Variants in SLC24A3 observed in about 807,000 individuals in gnomAD.
SLC24A3 encodes solute carrier family 24 member 3, also known as sodium/potassium/calcium exchanger 3.
A neutral mutation model predicts 75.8 loss-of-function variants in SLC24A3; 28 were observed. The ratio of observed to expected loss-of-function variants is 0.37; its 90% CI spans 0.27 to 0.51. SLC24A3 has a LOEUF of 0.51. Among genes scored for constraint, SLC24A3 ranks in the 20% least tolerant of loss-of-function variants. SLC24A3 has a pLI of 0.94. For synonymous variants in SLC24A3, 372 were observed against 334.1 expected (o/e 1.11, Z -1.24); for missense variants, 663 against 847.8 (o/e 0.78, Z 2.71).
chr20:19,392,948 T>C (rs1048088974), intron 2 of SLC24A3, among the ~76,000 whole-genome samples: 1 of 152,122 alleles, frequency 6.6e-6, no homozygotes, highest in Non-Finnish European at 1.5e-5. Context: ...TCTTATCTTG[T>C]CCATCTTTAT....
At chr20:19,675,958 T>C (rs2032517871) in intron 9 of SLC24A3, among the ~76,000 whole-genome samples, 1 of 152,244 alleles carries the variant, frequency 6.6e-6, no homozygotes, top group South Asian at 2.1e-4. Flanking sequence ...TTTTTTAACA[T>C]TTTGAGGCTC....
Position 19,631,791 on chromosome 20 carries a change from A to AGTGTGTGTGTGTGTGTGT in SLC24A3, c.613-22256_613-22239dup, listed in dbSNP as rs148278633. Among the ~76,000 whole-genome samples, 900 of 147,878 alleles carry AGTGTGTGTGTGTGTGTGT rather than the reference A, an allele frequency of 6.1e-3. 7 individuals carry two copies. Among genetic ancestry groups the AGTGTGTGTGTGTGTGTGT allele is most frequent in the African/African-American group, 0.021 (821 of 39,680 alleles). On this transcript the variant is annotated intron_variant, in intron 6 of 16. Coordinates refer to ENST00000328041, the MANE Select transcript of SLC24A3 (RefSeq NM_020689.4). ...CTCTGTATCTGTGTGTATGAGTGAG[A>AGTGTGTGTGTGTGTGTGT]GTGTGTGTGTGTGTGTGTGTGTGTG...
At chr20:19,353,466 G>C (rs1985616818) in intron 2 of SLC24A3, among the ~76,000 whole-genome samples, 1 of 152,190 alleles carries the variant, frequency 6.6e-6, no homozygotes, top group Admixed American at 6.5e-5. Context: ...TATGTCATCA[G>C]ATTACATCCT....
At chr20:19,441,729 T>A (rs1170774555) in intron 2 of SLC24A3, among the ~76,000 whole-genome samples, 1 of 152,144 alleles carries the variant, frequency 6.6e-6, no homozygotes, top group Non-Finnish European at 1.5e-5. Context: ...TGGTGTATAG[T>A]TCTGTGGGGT....
At chr20:19,395,987 T>A (rs1335300540) in intron 2 of SLC24A3, among the ~76,000 whole-genome samples, 1 of 152,156 alleles carries the variant, frequency 6.6e-6, no homozygotes, top group African/African-American at 2.4e-5. Flanking sequence ...GTTTGATTGA[T>A]TTTAATAACA....
intron 6 of SLC24A3, among the ~76,000 whole-genome samples, chr20:19,648,450 C>T (rs1046833062): frequency 1.3e-5 from 2 of 150,458 alleles, no homozygotes; most frequent in African/African-American, 4.9e-5. Context: ...TTTGCTTCAA[C>T]AGTTTTTTTT....
chr20:19,615,628 T>G (rs2031726698), intron 6 of SLC24A3, among the ~76,000 whole-genome samples: 1 of 152,190 alleles, frequency 6.6e-6, no homozygotes, highest in Non-Finnish European at 1.5e-5. Context: ...AAACCATTCA[T>G]GAGAAATCCA....
At chr20:19,564,358 A>G (rs2030922803) in intron 3 of SLC24A3, among the ~76,000 whole-genome samples, 2 of 152,226 alleles carry the variant, frequency 1.3e-5, no homozygotes, top group African/African-American at 4.8e-5. Flanking sequence ...TTGAAGTCCC[A>G]TCATCAATGC....
chr20:19,562,262 A>T (rs2030885842), intron 3 of SLC24A3, among the ~76,000 whole-genome samples: 1 of 152,074 alleles, frequency 6.6e-6, no homozygotes, highest in African/African-American at 2.4e-5. Flanking sequence ...AACAATGAGA[A>T]TATCTCACAT....
chr20:19,399,278 T>G (rs76216980), intron 2 of SLC24A3, among the ~76,000 whole-genome samples: 4,758 of 152,226 alleles, frequency 0.031, 110 homozygotes, highest in Non-Finnish European at 0.045. Context: ...CTTTATTATT[T>G]TCTATCTTCT....
chr20:19,474,358 C>T (rs1046416329), intron 2 of SLC24A3, among the ~76,000 whole-genome samples: 2 of 152,108 alleles, frequency 1.3e-5, no homozygotes, highest in Non-Finnish European at 2.9e-5. Context: ...GACTGCACAA[C>T]CCGGATTTTA....
At chr20:19,287,802 G>A (rs1408823695) in intron 2 of SLC24A3, among the ~76,000 whole-genome samples, 1 of 152,210 alleles carries the variant, frequency 6.6e-6, no homozygotes, top group Non-Finnish European at 1.5e-5. Flanking sequence ...CAATTGTGTG[G>A]AAAGAACTTG....
At chr20:19,459,926 G>A (rs547981097) in intron 2 of SLC24A3, among the ~76,000 whole-genome samples, 1 of 152,292 alleles carries the variant, frequency 6.6e-6, no homozygotes, top group African/African-American at 2.4e-5. Flanking sequence ...TCTCCTGGAG[G>A]TCTTGTCACT....
chr20:19,515,704 G>A, intron 3 of SLC24A3, 140 bp downstream of exon 3: 1 of 759,052 alleles, frequency 1.3e-6, no homozygotes, highest in Non-Finnish European at 2.2e-6. Flanking sequence ...TTCGAGCTCT[G>A]TAGGGGGCCA....
At chr20:19,239,635 A>T (rs367998029) in intron 1 of SLC24A3, among the ~76,000 whole-genome samples, 1 of 152,216 alleles carries the variant, frequency 6.6e-6, no homozygotes, top group Non-Finnish European at 1.5e-5. Context: ...ACACGCATCA[A>T]TTGCATGTCT....
intron 6 of SLC24A3, among the ~76,000 whole-genome samples, chr20:19,626,688 T>C (rs149988709): frequency 9.8e-4 from 149 of 152,306 alleles, no homozygotes; most frequent in African/African-American, 3.2e-3. Context: ...AAAATAACTC[T>C]AGTGGCTTTG....
rs780903976 is a variant in SLC24A3 at position 19,684,143 on chromosome 20, T to C, written c.902-33T>C. ...GCCTCTTTCCTGCTCCTGGCCTCCA[T>C]GTTATTTTACCTTATGTTTTTCGTT... On this transcript the variant is annotated intron_variant, in intron 10 of 16. Coordinates refer to ENST00000328041, the MANE Select transcript of SLC24A3 (RefSeq NM_020689.4). 4.4e-6 allele frequency: 7 copies of C among 1,599,678 alleles called. No individual in the cohort carries two copies. The South Asian group carries it at 6.6e-5, about 15-fold the overall frequency.
chr20:19,721,317 A>T lies in SLC24A3; in HGVS notation c.*177A>T. ...TCCCCTGACCCATCCTCGCTCCCCC[A>T]CCTCCTTGGGTCATGCCCACCCACC... On this transcript the variant is annotated 3_prime_UTR_variant, in exon 17 of 17. Coordinates refer to ENST00000328041, the MANE Select transcript of SLC24A3 (RefSeq NM_020689.4). The T allele has an allele frequency of 3.0e-6, 2 of 671,820 alleles. No individual in the cohort carries two copies. Among genetic ancestry groups the T allele is most frequent in the South Asian group, 2.3e-5 (1 of 44,166 alleles). The allele number at this position is 671,820 out of a possible 1,614,324, so 41.6% of individuals were successfully genotyped here.
chr20:19,713,903 CAA>C (rs1272616055), intron 15 of SLC24A3, among the ~76,000 whole-genome samples: 1 of 152,170 alleles, frequency 6.6e-6, no homozygotes, highest in African/African-American at 2.4e-5. Flanking sequence ...AGAAGAGATT[CAA>C]AACCCAGGAA....
Sources: gnomAD v4.1 joint callset for allele counts (sites outside exome capture counted in the v4.1 genomes callset) on GRCh38, gnomAD v4.1.1 for gene constraint, MANE v1.5 for transcripts, NCBI Gene and HGNC (gene_info 2026-07-23, HGNC 2026-07-21) for gene names.